The following C6 variants were observed in gnomAD, a reference collection of about 807,000 sequenced individuals.
C6 encodes complement component C6.
A neutral mutation model predicts 112.9 loss-of-function variants in C6; 101 were observed. That is an observed-to-expected ratio of 0.89 (90% confidence interval 0.76 to 1.06). The LOEUF is 1.06. Ranked by LOEUF, C6 falls within the 50% of genes least tolerant of loss-of-function variation. The probability of loss-of-function intolerance (pLI) is 0.00; values close to 1 mark genes in which losing one functional copy is unlikely to be tolerated. For synonymous variants in C6, 431 were observed against 384.1 expected (o/e 1.12, Z -1.43); for missense variants, 1,202 against 1,104.6 (o/e 1.09, Z -1.25).
At chr5:41,187,776 CT>C (rs910989290) in intron 5 of C6, among the ~76,000 whole-genome samples, 4 of 151,644 alleles carry the variant, frequency 2.6e-5, no homozygotes, top group African/African-American at 9.7e-5. Context: ...GAGCTAATTG[CT>C]TTTTTATAGT....
chr5:41,183,979 G>C lies in C6; in HGVS notation c.726+2091C>G, dbSNP rs61050629. Among the ~76,000 whole-genome samples, 176 of 134,370 alleles carry C rather than the reference G, an allele frequency of 1.3e-3. 1 individual carries two copies. Among genetic ancestry groups the C allele is most frequent in the African/African-American group, 4.8e-3 (168 of 35,346 alleles). 88.2% of individuals were successfully genotyped at this position (134,370 alleles called of 152,430 possible). On this transcript the variant is annotated intron_variant, in intron 6 of 17. Coordinates refer to ENST00000337836, the MANE Select transcript of C6 (RefSeq NM_000065.5). ...AACAACAGACACTGGGGTCTACTAG[G>C]GGGGGAAGGGAGGGAGGGGCAAGAG... is the stretch of plus-strand genomic sequence containing the variant.
chr5:41,158,716 G>C lies in C6; in HGVS notation c.1926C>G (p.Ser642=). ...CTGGAGGAACTGGCTGAGGACACCC[G>C]GAATCTGCTTCTATCTCAGGAAGAT... ...EVDLPEIEAD[S]GCPQPVPPEN... Residue 642 remains serine, a synonymous_variant, in exon 13 of 18, where the codon TCC becomes TCG. Coordinates refer to ENST00000337836, the MANE Select transcript of C6 (RefSeq NM_000065.5). The C allele has an allele frequency of 6.2e-7, 1 of 1,611,086 alleles. No individual in the cohort carries two copies. Among genetic ancestry groups the C allele is most frequent in the South Asian group, 1.1e-5 (1 of 91,024 alleles).
intron 6 of C6, among the ~76,000 whole-genome samples, 191 bp downstream of exon 6, chr5:41,185,878 GT>G (rs1221502793): frequency 6.6e-6 from 1 of 152,164 alleles, no homozygotes; most frequent in Non-Finnish European, 1.5e-5. Context: ...AGTTACCTTA[GT>G]TTTTTCATCT....
chr5:41,210,371 T>C (rs1751811107), intron 1 of C6, among the ~76,000 whole-genome samples: 1 of 152,026 alleles, frequency 6.6e-6, no homozygotes, highest in Non-Finnish European at 1.5e-5. Flanking sequence ...ACAAATGGGA[T>C]CTAATTAAAC....
intron 5 of C6, among the ~76,000 whole-genome samples, chr5:41,192,997 G>A (rs1440377346): frequency 6.6e-6 from 1 of 152,112 alleles, no homozygotes; most frequent in African/African-American, 2.4e-5. Context: ...GCTGAAGATG[G>A]TTGAATTAGA....
chr5:41,173,569 G>T (rs1026976187), intron 8 of C6, among the ~76,000 whole-genome samples: 12 of 152,148 alleles, frequency 7.9e-5, no homozygotes, highest in Non-Finnish European at 4.4e-5. Context: ...GCACATGAGA[G>T]GTAGAGCTGT....
At chr5:41,192,013 C>A (rs2150347034) in intron 5 of C6, among the ~76,000 whole-genome samples, 1 of 152,268 alleles carries the variant, frequency 6.6e-6, no homozygotes, top group Middle Eastern at 3.4e-3. Context: ...TTCAACTTTT[C>A]TCTACCCAGT....
intron 11 of C6, 30 bp downstream of exon 11, chr5:41,160,112 T>C: frequency 2.6e-6 from 4 of 1,557,842 alleles, no homozygotes; most frequent in South Asian, 2.2e-5. Context: ...GGAAAACTTA[T>C]CTACCTCACA....
chr5:41,228,553 C>T (rs934267025), intron 1 of C6, among the ~76,000 whole-genome samples: 1 of 152,114 alleles, frequency 6.6e-6, no homozygotes, highest in African/African-American at 2.4e-5. Flanking sequence ...AAAAAGCTTT[C>T]AATCTTTCAC....
At chr5:41,201,403 C>T (rs1037022850) in intron 3 of C6, among the ~76,000 whole-genome samples, 155 bp downstream of exon 3, 3 of 152,110 alleles carry the variant, frequency 2.0e-5, no homozygotes, top group Non-Finnish European at 2.9e-5. Context: ...CTTCCCCCCA[C>T]AAAAGTGCTA....
chr5:41,206,732 G>A (rs1751466313), intron 1 of C6, among the ~76,000 whole-genome samples: 1 of 152,324 alleles, frequency 6.6e-6, no homozygotes, highest in South Asian at 2.1e-4. Flanking sequence ...TATGTGAAAA[G>A]ACCAAATCTA....
intron 1 of C6, among the ~76,000 whole-genome samples, chr5:41,231,681 G>A (rs1196098007): frequency 6.6e-6 from 1 of 151,780 alleles, no homozygotes; most frequent in Non-Finnish European, 1.5e-5. Flanking sequence ...TTTTTTTAAA[G>A]TACTAATTAG....
chr5:41,174,829 G>C (rs193210620), intron 8 of C6, among the ~76,000 whole-genome samples: 25 of 152,260 alleles, frequency 1.6e-4, no homozygotes, highest in Non-Finnish European at 3.2e-4. Flanking sequence ...TAAAGGGAGA[G>C]AGAATAGGAG....
chr5:41,176,247 A>C lies in C6; in HGVS notation c.1168+228T>G, dbSNP rs117348461. Reference sequence around the variant, plus strand: ...AAATTTAGAGACAAATATGATGCCTAAAATCACAGTGGTTAAGCATACTTA... The same window carrying C: ...AAATTTAGAGACAAATATGATGCCTCAAATCACAGTGGTTAAGCATACTTA... On this transcript the variant is annotated intron_variant, in intron 8 of 17. Transcript: ENST00000337836. Among the ~76,000 whole-genome samples, 3 of 152,332 alleles carry C rather than the reference A, an allele frequency of 2.0e-5. No homozygotes were observed. In the East Asian group the frequency reaches 5.8e-4, roughly 29 times the overall value.
chr5:41,174,301 C>A (rs567062961), intron 8 of C6, among the ~76,000 whole-genome samples: 2 of 152,298 alleles, frequency 1.3e-5, no homozygotes, highest in East Asian at 1.9e-4. Flanking sequence ...CTTGATACTG[C>A]AGTACCTCAT....
At chr5:41,258,380 T>C (rs948982441) in intron 1 of C6, among the ~76,000 whole-genome samples, 2 of 152,202 alleles carry the variant, frequency 1.3e-5, no homozygotes, top group Non-Finnish European at 2.9e-5. Flanking sequence ...CTGTAGTAAT[T>C]TCATGATTTG....
upstream of C6, among the ~76,000 whole-genome samples, chr5:41,217,402 C>T (rs1003505172): frequency 1.3e-5 from 2 of 152,034 alleles, no homozygotes; most frequent in African/African-American, 2.4e-5. Context: ...AAAGTTAAAT[C>T]AATGTTGATT....
intron 9 of C6, 137 bp from the exon 10 acceptor site, chr5:41,161,996 A>T: frequency 1.3e-6 from 1 of 783,566 alleles, no homozygotes; most frequent in Non-Finnish European, 2.1e-6. Flanking sequence ...AAGCTAAGTG[A>T]AAAAGCAAGA....
intron 15 of C6, among the ~76,000 whole-genome samples, chr5:41,152,252 A>T (rs564272134): frequency 6.6e-6 from 1 of 152,206 alleles, no homozygotes; most frequent in Admixed American, 6.5e-5. Flanking sequence ...CAAGATGAGG[A>T]ACTGAATAGC....
Sources: gnomAD v4.1 joint callset for allele counts (sites outside exome capture counted in the v4.1 genomes callset) on GRCh38, gnomAD v4.1.1 for gene constraint, MANE v1.5 for transcripts, NCBI Gene and HGNC (gene_info 2026-07-23, HGNC 2026-07-21) for gene names.